The following SPAG16 variants were observed in gnomAD, a reference collection of about 807,000 sequenced individuals.
SPAG16 encodes the protein sperm-associated antigen 16 protein.
Under a neutral mutation model 80.4 loss-of-function variants are expected in SPAG16, and 86 were observed. That is an observed-to-expected ratio of 1.07 (90% CI 0.90 to 1.28). SPAG16 has a LOEUF of 1.28. Ranked by LOEUF, SPAG16 falls within the 50% of genes most tolerant of loss-of-function variation. The pLI is 0.00. For missense variants in SPAG16, 870 were observed against 765.3 expected (o/e 1.14, Z -1.61); for synonymous variants, 294 against 265.9 (o/e 1.11, Z -1.03).
chr2:213,287,445 T>C (rs563101928), intron 1 of SPAG16, among the ~76,000 whole-genome samples: 108 of 152,322 alleles, frequency 7.1e-4, no homozygotes, highest in African/African-American at 2.5e-3. Context: ...TAATTGACTT[T>C]GTTGTTCCTT....
chr2:213,636,471 T>A (rs1489168763), intron 10 of SPAG16, among the ~76,000 whole-genome samples: 1 of 152,196 alleles, frequency 6.6e-6, no homozygotes, highest in Non-Finnish European at 1.5e-5. Flanking sequence ...TTTAGGATTA[T>A]TTTTTCTAGT....
chr2:214,351,417 A>G (rs1203523533), intron 15 of SPAG16, among the ~76,000 whole-genome samples: 5 of 152,024 alleles, frequency 3.3e-5, no homozygotes, highest in East Asian at 1.9e-4. Flanking sequence ...ATACTTAAAC[A>G]TTGGCCGGGC....
chr2:213,616,469 C>T (rs997283982), intron 10 of SPAG16, among the ~76,000 whole-genome samples: 47 of 152,276 alleles, frequency 3.1e-4, no homozygotes, highest in African/African-American at 1.1e-3. Flanking sequence ...GCTACAATCG[C>T]TGTTATTAGG....
Position 213,338,587 on chromosome 2 carries a change from C to T in SPAG16, c.537-1576C>T, listed in dbSNP as rs564624361. ...TGTATGTTCATTGCAGCACTATTTA[C>T]GATCACAAAGACATGGAATCAACCC... On this transcript the variant is annotated intron_variant, in intron 5 of 15. Transcript: ENST00000331683. Among the ~76,000 whole-genome samples, 28 of 152,254 alleles carry T rather than the reference C, an allele frequency of 1.8e-4. No individual in the cohort carries two copies. The South Asian group carries it at 3.5e-3, about 19-fold the overall frequency.
intron 13 of SPAG16, among the ~76,000 whole-genome samples, chr2:214,102,641 C>T (rs985840102): frequency 3.9e-5 from 6 of 152,044 alleles, no homozygotes; most frequent in African/African-American, 1.4e-4. Context: ...ACTTACTTCA[C>T]AACTGTCTGT....
intron 15 of SPAG16, among the ~76,000 whole-genome samples, chr2:214,209,866 A>C (rs1181127254): frequency 1.3e-5 from 2 of 152,086 alleles, no homozygotes; most frequent in African/African-American, 2.4e-5. Context: ...ATATTTATTT[A>C]TTTTTGGAAA....
chr2:214,297,117 T>A (rs182331160), intron 15 of SPAG16, among the ~76,000 whole-genome samples: 9 of 152,318 alleles, frequency 5.9e-5, no homozygotes, highest in African/African-American at 2.2e-4. Context: ...TTCCTTTATA[T>A]CAATGCAAAC....
chr2:213,620,310 T>TTTTG (rs1476342047), intron 10 of SPAG16, among the ~76,000 whole-genome samples: 1 of 111,606 alleles, frequency 9.0e-6, no homozygotes, highest in African/African-American at 3.2e-5. Flanking sequence ...TTTTTTTTTT[T>TTTTG]GAGACGGAGT....
At chr2:214,385,004 C>A (rs1317040518) in intron 15 of SPAG16, among the ~76,000 whole-genome samples, 1 of 152,178 alleles carries the variant, frequency 6.6e-6, no homozygotes, top group Non-Finnish European at 1.5e-5. Flanking sequence ...CAGAGACAAC[C>A]ATAGAAAACC....
intron 5 of SPAG16, among the ~76,000 whole-genome samples, chr2:213,330,071 C>G (rs2064021400): frequency 6.6e-6 from 1 of 152,242 alleles, no homozygotes; most frequent in Non-Finnish European, 1.5e-5. Context: ...GCCTGGATGC[C>G]CAGGCAGAAG....
At position 213,762,187 on chromosome 2, in the gene SPAG16, T is replaced by C. The variant is rs78715903; in HGVS notation, c.1071-100298T>C. Among the ~76,000 whole-genome samples the C allele has an allele frequency of 5.4e-4, 82 of 152,254 alleles. 1 individual carries two copies. In the East Asian group the frequency reaches 0.016, roughly 29 times the overall value. On this transcript the variant is annotated intron_variant, in intron 10 of 15. Transcript: ENST00000331683. ...ACTGTAAAGCCAAAAGGTAGACCAG[T>C]GGCTTCCAGGGACTGGGAGGAAGGG...
intron 15 of SPAG16, among the ~76,000 whole-genome samples, chr2:214,199,634 A>T (rs1224001470): frequency 6.6e-6 from 1 of 152,134 alleles, no homozygotes; most frequent in Non-Finnish European, 1.5e-5. Context: ...TAGTTCTGTG[A>T]AGAATGATGA....
intron 6 of SPAG16, among the ~76,000 whole-genome samples, chr2:213,349,211 T>A (rs1336987594): frequency 6.6e-6 from 1 of 152,226 alleles, no homozygotes; most frequent in Non-Finnish European, 1.5e-5. Context: ...TTGAAATTGA[T>A]GGCTTTAAAT....
intron 12 of SPAG16, among the ~76,000 whole-genome samples, chr2:214,002,846 T>A (rs2046854906): frequency 6.6e-6 from 1 of 152,054 alleles, no homozygotes; most frequent in Non-Finnish European, 1.5e-5. Context: ...CTCAGTCTAC[T>A]GATCCAAATG....
chr2:214,336,335 A>C lies in SPAG16; in HGVS notation c.1721-73805A>C, dbSNP rs71428335. On this transcript the variant is annotated intron_variant, in intron 15 of 15. Transcript: ENST00000331683. ...CACCCTTTGGAGCATAATCCAGTTA[A>C]ATTTTAAAAGTATTTGCTAAATTGG... Among the ~76,000 whole-genome samples the C allele has an allele frequency of 3.0e-3, 460 of 152,260 alleles. 2 individuals are homozygous for C. The highest frequency in any genetic ancestry group is 5.2e-3 in the Non-Finnish European group (352 of 68,004).
At chr2:213,360,635 G>A (rs1204807284) in intron 7 of SPAG16, among the ~76,000 whole-genome samples, 2 of 152,280 alleles carry the variant, frequency 1.3e-5, no homozygotes, top group Middle Eastern at 3.4e-3. Flanking sequence ...TTCTGTTGTA[G>A]CATACTAATC....
chr2:213,865,627 T>A (rs1366290295), intron 11 of SPAG16, among the ~76,000 whole-genome samples: 1 of 149,536 alleles, frequency 6.7e-6, no homozygotes, highest in Non-Finnish European at 1.5e-5. Flanking sequence ...AGAAAAAGGA[T>A]GTATATTTAT....
chr2:214,350,331 C>T (rs1297597771), intron 15 of SPAG16, among the ~76,000 whole-genome samples: 2 of 152,226 alleles, frequency 1.3e-5, no homozygotes, highest in Non-Finnish European at 2.9e-5. Context: ...TATTGTCCCA[C>T]AGGGACATGT....
At chr2:214,358,041 A>T (rs905925023) in intron 15 of SPAG16, among the ~76,000 whole-genome samples, 4 of 151,968 alleles carry the variant, frequency 2.6e-5, no homozygotes. Flanking sequence ...ACCTGCACAT[A>T]TTCTTGATGT....
Sources: allele counts gnomAD v4.1 joint callset (sites outside exome capture counted in the v4.1 genomes callset), GRCh38; gene constraint gnomAD v4.1.1; transcripts MANE v1.5; gene names NCBI Gene and HGNC (gene_info 2026-07-23, HGNC 2026-07-21).